The following LOXHD1 variants were observed in gnomAD, a reference collection of about 807,000 sequenced individuals.
The protein encoded by LOXHD1 is lipoxygenase homology PLAT domains 1, also known as lipoxygenase homology domain-containing protein 1.
A neutral mutation model predicts 248.2 loss-of-function variants in LOXHD1; 205 were observed. The observed-to-expected ratio is 0.83, with a 90% confidence interval of 0.74 to 0.93. LOXHD1 has a LOEUF of 0.93. Ranked by LOEUF, LOXHD1 falls within the 40% of genes least tolerant of loss-of-function variation. The pLI is 0.00. For missense variants in LOXHD1, 2,930 were observed against 2,971.6 expected (o/e 0.99, Z 0.33); for synonymous variants, 1,113 against 1,162.8 (o/e 0.96, Z 0.87).
At chr18:46,510,607 A>C (rs1275538305) in intron 34 of LOXHD1, among the ~76,000 whole-genome samples, 1 of 152,138 alleles carries the variant, frequency 6.6e-6, no homozygotes, top group Non-Finnish European at 1.5e-5. Context: ...GTGGCACTGG[A>C]GATGTGGCTC....
intron 14 of LOXHD1, among the ~76,000 whole-genome samples, chr18:46,576,499 C>T (rs1376891495): frequency 2.6e-5 from 4 of 152,138 alleles, no homozygotes; most frequent in African/African-American, 9.7e-5. Flanking sequence ...AGGTGGCCCA[C>T]CCTCCCTTTT....
intron 4 of LOXHD1, among the ~76,000 whole-genome samples, chr18:46,635,856 A>T (rs548149859): frequency 6.6e-6 from 1 of 152,292 alleles, no homozygotes; most frequent in South Asian, 2.1e-4. Context: ...CTTGAAGATG[A>T]AATGTGAGTT....
chr18:46,484,924 T>C, intron 39 of LOXHD1, 95 bp downstream of exon 39: 1 of 1,449,698 alleles, frequency 6.9e-7, no homozygotes, highest in Non-Finnish European at 9.3e-7. Flanking sequence ...TTAGGCCCAT[T>C]TGTGTACCTA....
chr18:46,625,483 T>C (rs1297409426), intron 4 of LOXHD1, among the ~76,000 whole-genome samples: 5 of 149,722 alleles, frequency 3.3e-5, no homozygotes, highest in African/African-American at 1.2e-4. Flanking sequence ...ACACTAGCGA[T>C]AGCTGATGAG....
chr18:46,506,860 T>C (rs1289267923), intron 36 of LOXHD1, among the ~76,000 whole-genome samples: 1 of 152,200 alleles, frequency 6.6e-6, no homozygotes, highest in East Asian at 1.9e-4. Context: ...AGATTCCTTG[T>C]AATGGCTCCT....
chr18:46,597,099 A>G (rs1298791278), intron 8 of LOXHD1, among the ~76,000 whole-genome samples: 1 of 152,202 alleles, frequency 6.6e-6, no homozygotes, highest in Non-Finnish European at 1.5e-5. Flanking sequence ...TTTTAAAATA[A>G]TTTAAAATGG....
intron 40 of LOXHD1, 58 bp from the exon 41 acceptor site, chr18:46,478,010 G>C: frequency 6.6e-7 from 1 of 1,504,640 alleles, no homozygotes; most frequent in African/African-American, 1.4e-5. Context: ...AGCCGAGGCT[G>C]CTCCCTCCCC....
chr18:46,650,332 G>A lies in LOXHD1; in HGVS notation c.131-1063C>T, dbSNP rs191051046. On this transcript the variant is annotated intron_variant, in intron 1 of 40. Coordinates refer to ENST00000642948, the MANE Select transcript of LOXHD1 (RefSeq NM_001384474.1). ...GTTGGGAAGATGGAATTTACAATGT[G>A]GAGAGTCAGCAAAATGTGGGGAGGG... Among the ~76,000 whole-genome samples the A allele has an allele frequency of 3.5e-3, 534 of 152,318 alleles. 3 individuals are homozygous for A. The highest frequency in any genetic ancestry group is 0.011 in the African/African-American group (462 of 41,564).
At chr18:46,650,310 G>A (rs2039092746) in intron 1 of LOXHD1, among the ~76,000 whole-genome samples, 1 of 152,302 alleles carries the variant, frequency 6.6e-6, no homozygotes, top group South Asian at 2.1e-4. Context: ...ATTCCACGTT[G>A]GGAAGATGGA....
chr18:46,528,251 C>T (rs1026831354), intron 29 of LOXHD1, among the ~76,000 whole-genome samples: 1 of 152,070 alleles, frequency 6.6e-6, no homozygotes, highest in Non-Finnish European at 1.5e-5. Context: ...GTGGAGATAG[C>T]CTGGCCTGTG....
At chr18:46,563,022 A>G in intron 18 of LOXHD1, 43 bp downstream of exon 18, 7 of 1,517,770 alleles carry the variant, frequency 4.6e-6, no homozygotes, top group Non-Finnish European at 6.2e-6. Flanking sequence ...CTTGGTGTCC[A>G]CTGAGCCTGC....
intron 4 of LOXHD1, among the ~76,000 whole-genome samples, chr18:46,619,461 G>A (rs2038638034): frequency 6.6e-6 from 1 of 152,138 alleles, no homozygotes; most frequent in Admixed American, 6.5e-5. Context: ...CTGCAAGTAA[G>A]GCTTCTAATT....
chr18:46,625,810 T>G (rs1250218260), intron 4 of LOXHD1, among the ~76,000 whole-genome samples: 3 of 152,190 alleles, frequency 2.0e-5, no homozygotes, highest in South Asian at 4.1e-4. Context: ...CTACCTACCC[T>G]GCAGTCACTC....
At chr18:46,625,884 G>A (rs1414340153) in intron 4 of LOXHD1, among the ~76,000 whole-genome samples, 1 of 152,036 alleles carries the variant, frequency 6.6e-6, no homozygotes, top group South Asian at 2.1e-4. Flanking sequence ...TGCACATTTC[G>A]ATAACCTTGG....
chr18:46,531,826 C>T (rs1203872819), intron 28 of LOXHD1, among the ~76,000 whole-genome samples: 3 of 152,194 alleles, frequency 2.0e-5, no homozygotes, highest in Non-Finnish European at 4.4e-5. Context: ...TCCAGGGCAT[C>T]CTCTGGGGTC....
At chr18:46,569,664 A>G in intron 15 of LOXHD1, 26 bp from the exon 16 acceptor site, 1 of 1,537,094 alleles carries the variant, frequency 6.5e-7, no homozygotes, top group Non-Finnish European at 8.8e-7. Flanking sequence ...CAGAGGGAGG[A>G]AGGGAAGGGG....
At chr18:46,480,907 AT>A (rs2032506881) in intron 40 of LOXHD1, among the ~76,000 whole-genome samples, 2 of 152,218 alleles carry the variant, frequency 1.3e-5, no homozygotes, top group Admixed American at 1.3e-4. Context: ...GGGATAAACA[AT>A]AAAGGTGTTT....
At chr18:46,637,070 C>T (rs1175966898) in intron 4 of LOXHD1, among the ~76,000 whole-genome samples, 2 of 152,120 alleles carry the variant, frequency 1.3e-5, no homozygotes, top group Non-Finnish European at 2.9e-5. Flanking sequence ...CACTTGAACC[C>T]GGGAGGTGGA....
chr18:46,493,231 G>A (rs2033610531), intron 37 of LOXHD1, among the ~76,000 whole-genome samples: 1 of 152,194 alleles, frequency 6.6e-6, no homozygotes, highest in Non-Finnish European at 1.5e-5. Context: ...GGTTCTGAAT[G>A]TCAACACCAT....
Sources: gnomAD v4.1 joint callset for allele counts (sites outside exome capture counted in the v4.1 genomes callset) on GRCh38, gnomAD v4.1.1 for gene constraint, MANE v1.5 for transcripts, NCBI Gene and HGNC (gene_info 2026-07-23, HGNC 2026-07-21) for gene names.